The following TNNI3K variants were observed in gnomAD, a reference collection of about 807,000 sequenced individuals.
TNNI3K encodes TNNI3 interacting kinase.
TNNI3K carries 140 observed loss-of-function variants against 114.5 expected under a neutral mutation model. The ratio of observed to expected loss-of-function variants is 1.22; its 90% confidence interval spans 1.07 to 1.41. The LOEUF (loss-of-function observed/expected upper bound fraction) is 1.41. Ranked by LOEUF, TNNI3K falls within the 40% of genes most tolerant of loss-of-function variation. The pLI is 0.00. For synonymous variants in TNNI3K, 347 were observed against 347.5 expected, an observed-to-expected ratio of 1.00 and a Z score of 0.02; for missense variants, 1,125 against 1,007.6, an observed-to-expected ratio of 1.12 and a Z score of -1.58.
chr1:74,475,303 C>A, intron 21 of TNNI3K: 1 of 656,424 alleles, frequency 1.5e-6, no homozygotes, highest in South Asian at 1.7e-5. Context: ...ACCTTCTGTT[C>A]TTATTATATG....
chr1:74,308,862 C>A (rs1405814416), intron 5 of TNNI3K, among the ~76,000 whole-genome samples: 1 of 151,990 alleles, frequency 6.6e-6, no homozygotes, highest in Non-Finnish European at 1.5e-5. Context: ...TCTAAGGGAC[C>A]ACTATAAATA....
At chr1:74,329,223 T>A (rs1660072041) in intron 5 of TNNI3K, among the ~76,000 whole-genome samples, 1 of 152,108 alleles carries the variant, frequency 6.6e-6, no homozygotes, top group South Asian at 2.1e-4. Context: ...ATCTTTAAAA[T>A]GGAGAGGAGC....
At chr1:74,410,116 A>C (rs1440830911) in intron 17 of TNNI3K, among the ~76,000 whole-genome samples, 2 of 152,218 alleles carry the variant, frequency 1.3e-5, no homozygotes, top group African/African-American at 4.8e-5. Context: ...TGATGAATAT[A>C]ATACTGGAAT....
intron 5 of TNNI3K, among the ~76,000 whole-genome samples, chr1:74,308,443 C>A (rs1209091142): frequency 6.6e-6 from 1 of 151,962 alleles, no homozygotes; most frequent in East Asian, 1.9e-4. Flanking sequence ...AGGCAGAAAT[C>A]AAAAAATTAT....
At chr1:74,349,338 A>G (rs1370073747) in intron 9 of TNNI3K, among the ~76,000 whole-genome samples, 7 of 152,140 alleles carry the variant, frequency 4.6e-5, no homozygotes, top group Non-Finnish European at 1.0e-4. Flanking sequence ...ATCATGGTGG[A>G]TAAGCTTTTT....
rs1557515717 is a variant in TNNI3K at position 74,353,356 on chromosome 1, C to T, written c.1023C>T (p.His341=). 2 of 1,613,388 alleles carry T rather than the reference C, an allele frequency of 1.2e-6. No homozygotes were observed. The highest frequency in any genetic ancestry group is 1.3e-5 in the African/African-American group (1 of 74,790). The change falls in exon 10 of 25, where the codon CAC becomes CAT. Residue 341 remains histidine, a synonymous_variant. Transcript: ENST00000326637. The stretch of plus-strand genomic sequence containing the variant: ...TCAACCACCAAGGAAGGGATGGGCA[C>T]ACTGGTAAGACTGTGGTGAAAACAC... ...ININHQGRDG[H]TGLHSACYHG...
intron 20 of TNNI3K, among the ~76,000 whole-genome samples, chr1:74,452,671 T>C (rs1020539986): frequency 3.3e-5 from 5 of 152,184 alleles, no homozygotes; most frequent in Admixed American, 6.5e-5. Context: ...AATTTGAACA[T>C]AGCACTTCTT....
chr1:74,325,335 G>T (rs561688909), intron 5 of TNNI3K, among the ~76,000 whole-genome samples: 2 of 151,948 alleles, frequency 1.3e-5, no homozygotes, highest in East Asian at 3.9e-4. Flanking sequence ...TTCATCCATC[G>T]CTCAGCCAGG....
intron 20 of TNNI3K, among the ~76,000 whole-genome samples, chr1:74,461,134 G>C (rs952113830): frequency 2.6e-5 from 4 of 152,136 alleles, no homozygotes; most frequent in Non-Finnish European, 4.4e-5. Flanking sequence ...AGTGATTGCT[G>C]AGCACCAGTT....
chr1:74,350,136 G>A (rs1299452604), intron 9 of TNNI3K, among the ~76,000 whole-genome samples: 1 of 152,036 alleles, frequency 6.6e-6, no homozygotes, highest in East Asian at 1.9e-4. Flanking sequence ...TCTACACACT[G>A]CTTTGAATGT....
At chr1:74,301,537 TC>T (rs5775232) in intron 5 of TNNI3K, among the ~76,000 whole-genome samples, 106,428 of 151,902 alleles carry the variant, frequency 0.7, 38,661 homozygotes, top group East Asian at 0.88. Context: ...CTGAAGAATT[TC>T]AACTTTATAG....
intron 5 of TNNI3K, among the ~76,000 whole-genome samples, chr1:74,298,218 T>G (rs1409878512): frequency 1.3e-5 from 2 of 152,184 alleles, no homozygotes. Flanking sequence ...GGCATAGATA[T>G]ACTTATTCAA....
chr1:74,513,029 T>G (rs567485819), intron 23 of TNNI3K, among the ~76,000 whole-genome samples: 46 of 152,326 alleles, frequency 3.0e-4, no homozygotes, highest in African/African-American at 1.0e-3. Context: ...GAAAATAGTC[T>G]TGACTCTTTA....
rs542353726 is a variant in TNNI3K, at chr1:74,250,548, T to C, written c.236-124T>C. ...GTCAATTAATAGAAAACTTTACAAA[T>C]GGCCTGCAGAACGCAGCTTGACATT... is the stretch of plus-strand genomic sequence containing the variant. On this transcript the variant is annotated intron_variant, in intron 3 of 24. Coordinates refer to ENST00000326637, the MANE Select transcript of TNNI3K (RefSeq NM_015978.3). 5.3e-6 allele frequency: 4 copies of C among 749,836 alleles called. No individual in the cohort carries two copies. The African/African-American group carries it at 5.4e-5, about 10-fold the overall frequency. The allele number at this position is 749,836 out of a possible 1,614,324, so 46.4% of individuals were successfully genotyped here. A position where few individuals can be genotyped will look rare whatever the true frequency, so the allele number is the denominator to read the frequency against.
chr1:74,517,537 T>C (rs1011050190), intron 23 of TNNI3K, among the ~76,000 whole-genome samples: 11 of 152,294 alleles, frequency 7.2e-5, no homozygotes, highest in African/African-American at 2.6e-4. Flanking sequence ...TAGCCTTTAA[T>C]AATAATTGTT....
At position 74,369,447 on chromosome 1, in the gene TNNI3K, T is replaced by G; in HGVS notation, c.1529T>G (p.Val510Gly). Reference sequence around the variant, plus strand: ...GATGTGGATATGTTTTGCCGAGAGGTGTCCATTCTCTGCCAGCTCAATCAT... The same window carrying G: ...GATGTGGATATGTTTTGCCGAGAGGGGTCCATTCTCTGCCAGCTCAATCAT... Reference protein sequence around the residue: ...KSDVDMFCREVSILCQLNHPC... With the variant: ...KSDVDMFCREGSILCQLNHPC... Residue 510 changes from valine to glycine, a missense_variant, in exon 16 of 25, where the codon GTG becomes GGG. Coordinates refer to ENST00000326637, the MANE Select transcript of TNNI3K (RefSeq NM_015978.3). The G allele has an allele frequency of 6.2e-7, 1 of 1,612,534 alleles. No homozygotes were observed. Among genetic ancestry groups the G allele is most frequent in the African/African-American group, 1.3e-5 (1 of 74,876 alleles).
chr1:74,450,655 A>G lies in TNNI3K; in HGVS notation c.2011+11033A>G, dbSNP rs188569369. The stretch of plus-strand genomic sequence containing the variant: ...ACAAACATACAAAAAAACGCCCAAC[A>G]TCACTGATCATTAGAGAAACGCAGA... On this transcript the variant is annotated intron_variant, in intron 20 of 24. Transcript: ENST00000326637. Among the ~76,000 whole-genome samples, 37 of 152,326 alleles carry G rather than the reference A, an allele frequency of 2.4e-4. No individual in the cohort carries two copies. The East Asian group carries it at 5.6e-3, about 23-fold the overall frequency.
At chr1:74,375,064 C>T (rs1466172869) in intron 17 of TNNI3K, 1 of 152,568 alleles carries the variant, frequency 6.6e-6, no homozygotes, top group East Asian at 1.9e-4. Context: ...TAGTGATAAC[C>T]TCCATCACAA....
At chr1:74,254,903 C>T (rs1655177946) in intron 4 of TNNI3K, among the ~76,000 whole-genome samples, 1 of 152,096 alleles carries the variant, frequency 6.6e-6, no homozygotes, top group African/African-American at 2.4e-5. Context: ...GAGATGTGTT[C>T]TGCTGCAAGG....
Sources: gnomAD v4.1 joint callset for allele counts (sites outside exome capture counted in the v4.1 genomes callset) on GRCh38, gnomAD v4.1.1 for gene constraint, MANE v1.5 for transcripts, NCBI Gene and HGNC (gene_info 2026-07-23, HGNC 2026-07-21) for gene names.